The following ABCE1 variants were observed in gnomAD, a reference collection of about 807,000 sequenced individuals.
ABCE1 encodes the protein ATP binding cassette subfamily E member 1, also known as ATP-binding cassette sub-family E member 1.
In ABCE1, 22 loss-of-function variants were observed where a neutral mutation model predicts 83.4. That is an observed-to-expected ratio of 0.26 (90% confidence interval 0.19 to 0.38). The LOEUF is 0.38. Ranked by LOEUF, ABCE1 falls within the 10% of genes least tolerant of loss-of-function variation. The pLI, the probability that ABCE1 is intolerant of heterozygous loss-of-function variation, is 1.00. For synonymous variants in ABCE1, 204 were observed against 233.7 expected, an observed-to-expected ratio of 0.87 and a Z score of 1.16; for missense variants, 330 against 721.9, an observed-to-expected ratio of 0.46 and a Z score of 6.22.
At chr4:145,101,811 G>T (rs188607530) in intron 1 of ABCE1, among the ~76,000 whole-genome samples, 1 of 152,200 alleles carries the variant, frequency 6.6e-6, no homozygotes, top group African/African-American at 2.4e-5. Context: ...GAGGATATCA[G>T]GAGCTTAGTT....
intron 8 of ABCE1, 24 bp from the exon 9 acceptor site, chr4:145,112,215 G>GA: frequency 9.0e-7 from 1 of 1,113,802 alleles, no homozygotes; most frequent in Non-Finnish European, 1.2e-6. Context: ...ACTTATATTT[G>GA]CTTTTTTTTT....
chr4:145,104,544 T>G, intron 2 of ABCE1, 29 bp downstream of exon 2: 1 of 1,429,330 alleles, frequency 7.0e-7, no homozygotes, highest in Non-Finnish European at 9.5e-7. Context: ...CATTTAAGTA[T>G]AAAAGAAAAC....
chr4:145,113,606 C>T (rs908702159), intron 9 of ABCE1, among the ~76,000 whole-genome samples: 4 of 152,042 alleles, frequency 2.6e-5, no homozygotes, highest in African/African-American at 9.7e-5. Context: ...GCAAATTAGC[C>T]AGCACATATT....
intron 11 of ABCE1, chr4:145,120,907 A>G (rs1478914616): frequency 8.1e-6 from 3 of 370,042 alleles, no homozygotes; most frequent in East Asian, 5.0e-5. Context: ...TTTTCAAACT[A>G]TTGCAGGATT....
Position 145,127,883 on chromosome 4 carries a change from G to A in ABCE1, c.*310G>A, listed in dbSNP as rs914699722. On this transcript the variant is annotated 3_prime_UTR_variant, in exon 18 of 18. Transcript: ENST00000296577. ...TTTTCAGTAGGTGTATTATATTCAC[G>A]GTACCAAATGCTGACCAGTGTTGCT... 5 of 211,578 alleles carry A rather than the reference G, an allele frequency of 2.4e-5. No individual in the cohort carries two copies. The highest frequency in any genetic ancestry group is 6.2e-5 in the Admixed American group (1 of 16,230). The allele number at this position is 211,578 out of a possible 1,614,324, so 13.1% of individuals were successfully genotyped here.
rs1385978951 is a variant in ABCE1 at position 145,127,617 on chromosome 4, T to C, written c.*44T>C. The C allele has an allele frequency of 1.4e-6, 2 of 1,454,468 alleles. No homozygotes were observed. Among genetic ancestry groups the C allele is most frequent in the Non-Finnish European group, 1.8e-6 (2 of 1,089,976 alleles). 90.1% of individuals were successfully genotyped at this position (1,454,468 alleles called of 1,614,324 possible). A position where few individuals can be genotyped will look rare whatever the true frequency, so the allele number is the denominator to read the frequency against. On this transcript the variant is annotated 3_prime_UTR_variant, in exon 18 of 18. Coordinates refer to ENST00000296577, the MANE Select transcript of ABCE1 (RefSeq NM_002940.3). ...GATAAGCCATTTATTAAAAGGAGTA[T>C]TTACTAGAATTTTTTGTCATATAAA... is the stretch of plus-strand genomic sequence containing the variant.
In ABCE1 at chr4:145,110,919, C is replaced by T. The variant is rs747221112; in HGVS notation, c.614-49C>T. On this transcript the variant is annotated intron_variant, in intron 7 of 17. Coordinates refer to ENST00000296577, the MANE Select transcript of ABCE1 (RefSeq NM_002940.3). ...TGATGACATGCAGTATACTTTTTAC[C>T]TGGAAGAGGTGAAATACATTGAGCA... is the stretch of plus-strand genomic sequence containing the variant. 17 of 1,276,254 alleles carry T rather than the reference C, an allele frequency of 1.3e-5. No homozygotes were observed. In the South Asian group the frequency reaches 2.2e-4, roughly 16 times the overall value. The allele number at this position is 1,276,254 out of a possible 1,614,324, so 79.1% of individuals were successfully genotyped here. A position where few individuals can be genotyped will look rare whatever the true frequency, so the allele number is the denominator to read the frequency against.
intron 10 of ABCE1, 101 bp downstream of exon 10, chr4:145,117,515 C>A: frequency 9.2e-7 from 1 of 1,081,758 alleles, no homozygotes; most frequent in Non-Finnish European, 1.3e-6. Flanking sequence ...GGTCTGATAT[C>A]ATCCAAAACT....
intron 10 of ABCE1, among the ~76,000 whole-genome samples, chr4:145,118,888 T>A (rs950885053): frequency 6.6e-6 from 1 of 151,890 alleles, no homozygotes; most frequent in African/African-American, 2.4e-5. Context: ...TGACTTGCTG[T>A]GTTTTTTTTA....
At chr4:145,122,811 G>GA (rs557666892) in intron 13 of ABCE1, 13,925 of 378,428 alleles carry the variant, frequency 0.037, 27 homozygotes, top group Middle Eastern at 0.054. Flanking sequence ...TGTCTCAAAA[G>GA]AAAAAAAAAA....
chr4:145,108,874 A>G (rs905486325), intron 4 of ABCE1, among the ~76,000 whole-genome samples: 3 of 152,244 alleles, frequency 2.0e-5, no homozygotes, highest in Non-Finnish European at 4.4e-5. Flanking sequence ...AACTGAATAA[A>G]TAAAACTTGT....
chr4:145,125,736 C>T (rs181227016), intron 17 of ABCE1, among the ~76,000 whole-genome samples: 1 of 152,258 alleles, frequency 6.6e-6, no homozygotes, highest in East Asian at 1.9e-4. Context: ...AATACCTTAA[C>T]CAATTTCTGT....
chr4:145,121,306 T>A lies in ABCE1; in HGVS notation c.1205-27T>A, dbSNP rs368000029. 3.7e-6 allele frequency: 6 copies of A among 1,612,546 alleles called. No homozygotes were observed. The African/African-American group carries it at 5.3e-5, about 14-fold the overall frequency. ...CTTTAAAGATCTGGGCAGTTTTTAG[T>A]GTCTTATGTATTTCATTATTTTGCA... On this transcript the variant is annotated intron_variant, in intron 12 of 17. Coordinates refer to ENST00000296577, the MANE Select transcript of ABCE1 (RefSeq NM_002940.3).
chr4:145,110,920 T>C (rs1399621201), intron 7 of ABCE1, 48 bp from the exon 8 acceptor site: 2 of 1,292,856 alleles, frequency 1.5e-6, no homozygotes, highest in Non-Finnish European at 2.2e-6. Context: ...ACTTTTTACC[T>C]GGAAGAGGTG....
At chr4:145,101,393 CAG>C (rs770800719) in intron 1 of ABCE1, among the ~76,000 whole-genome samples, 29 of 152,308 alleles carry the variant, frequency 1.9e-4, no homozygotes, top group Admixed American at 1.3e-4. Flanking sequence ...AGAAAGTTAA[CAG>C]AGGCTGATCA....
chr4:145,114,340 A>G (rs1392228646), intron 9 of ABCE1, among the ~76,000 whole-genome samples: 3 of 152,152 alleles, frequency 2.0e-5, no homozygotes, highest in South Asian at 2.1e-4. Context: ...AAGTCAGGTC[A>G]CTAGTTCTCA....
intron 3 of ABCE1, among the ~76,000 whole-genome samples, chr4:145,107,549 A>G (rs758742370): frequency 7.9e-5 from 12 of 152,216 alleles, no homozygotes; most frequent in Non-Finnish European, 1.6e-4. Context: ...CTTTAAATGT[A>G]TAGGATTATA....
chr4:145,101,090 T>C (rs1176206095), intron 1 of ABCE1, among the ~76,000 whole-genome samples: 2 of 152,028 alleles, frequency 1.3e-5, no homozygotes, highest in Admixed American at 6.6e-5. Flanking sequence ...ATATGGAATA[T>C]ATAGTATGTC....
intron 9 of ABCE1, among the ~76,000 whole-genome samples, chr4:145,114,295 A>G (rs1324456072): frequency 2.0e-5 from 3 of 152,160 alleles, no homozygotes; most frequent in Non-Finnish European, 2.9e-5. Context: ...AAAGAAAAGC[A>G]TACACATGTA....
Sources: allele counts gnomAD v4.1 joint callset (sites outside exome capture counted in the v4.1 genomes callset), GRCh38; gene constraint gnomAD v4.1.1; transcripts MANE v1.5; gene names NCBI Gene and HGNC (gene_info 2026-07-23, HGNC 2026-07-21).